Variants in PCLAF observed in about 807,000 individuals in gnomAD.
PCLAF encodes the protein PCNA-associated factor.
PCLAF carries 12 observed loss-of-function variants against 15.1 expected under a neutral mutation model. That is an observed-to-expected ratio of 0.79 (90% CI 0.51 to 1.29). The LOEUF (loss-of-function observed/expected upper bound fraction) is 1.29. Among genes scored for constraint, PCLAF ranks in the 50% most tolerant of loss-of-function variants. The pLI, the probability that PCLAF is intolerant of heterozygous loss-of-function variation, is 0.00. For missense variants in PCLAF, 116 were observed against 130.9 expected (o/e 0.89, Z 0.56); for synonymous variants, 33 against 47.1 (o/e 0.70, Z 1.22).
chr15:64,381,813 C>A (rs1248441305), upstream of PCLAF, among the ~76,000 whole-genome samples: 2 of 152,144 alleles, frequency 1.3e-5, no homozygotes, highest in African/African-American at 2.4e-5. Context: ...GGAGGTGAAA[C>A]CTGAAATTAA....
Position 64,365,799 on chromosome 15 carries a change from G to A in PCLAF, c.*231C>T. On this transcript the variant is annotated 3_prime_UTR_variant, in exon 4 of 4. Coordinates refer to ENST00000300035, the MANE Select transcript of PCLAF (RefSeq NM_014736.6). ...TAGCAAGAACTAGACACTTAATTTG[G>A]TAAAAGAAACCAAACAATGCATTAT... 2.0e-6 allele frequency: 1 copy of A among 496,170 alleles called. No homozygotes were observed. The highest frequency in any genetic ancestry group is 2.5e-5 in the South Asian group (1 of 39,706). The allele number at this position is 496,170 out of a possible 1,614,324, so 30.7% of individuals were successfully genotyped here.
At chr15:64,370,761 G>A (rs1431399491) in intron 3 of PCLAF, among the ~76,000 whole-genome samples, 2 of 149,640 alleles carry the variant, frequency 1.3e-5, no homozygotes, top group African/African-American at 4.9e-5. Flanking sequence ...TTAGGCCCAG[G>A]CTCTATCTAA....
upstream of PCLAF, among the ~76,000 whole-genome samples, chr15:64,383,519 A>T (rs1183141174): frequency 3.9e-5 from 6 of 151,982 alleles, no homozygotes; most frequent in African/African-American, 1.4e-4. Flanking sequence ...GACACGTGCC[A>T]AAACACTCGG....
chr15:64,380,011 C>T (rs59668277), intron 2 of PCLAF, among the ~76,000 whole-genome samples: 1,859 of 152,206 alleles, frequency 0.012, 46 homozygotes, highest in African/African-American at 0.042. Flanking sequence ...GCACTGTTAA[C>T]GATTGTTCAA....
At chr15:64,381,467 T>C (rs1237891725), upstream of PCLAF, 2 of 1,609,914 alleles carry the variant, frequency 1.2e-6, no homozygotes, top group Non-Finnish European at 1.7e-6. Flanking sequence ...CGCCACAGTT[T>C]ATATTGGTCT....
At chr15:64,387,112 AAAAAT>A (rs1217895164) in intron 1 of PCLAF, among the ~76,000 whole-genome samples, 1 of 152,008 alleles carries the variant, frequency 6.6e-6, no homozygotes, top group Non-Finnish European at 1.5e-5. Context: ...ACATGGCTCA[AAAAAT>A]AAAATAGAAG....
intron 1 of PCLAF, chr15:64,387,443 T>C: frequency 2.4e-6 from 3 of 1,227,388 alleles, no homozygotes; most frequent in Non-Finnish European, 3.1e-6. Flanking sequence ...GAGCAAAAAC[T>C]TACAGCGCTT....
At chr15:64,373,775 G>A (rs1359331235) in intron 3 of PCLAF, 18 of 1,535,380 alleles carry the variant, frequency 1.2e-5, no homozygotes, top group Non-Finnish European at 1.3e-5. Flanking sequence ...CTGGTGCAGG[G>A]GAGATAGCAA....
At chr15:64,369,006 G>C (rs1445343654) in intron 3 of PCLAF, among the ~76,000 whole-genome samples, 2 of 152,172 alleles carry the variant, frequency 1.3e-5, no homozygotes, top group African/African-American at 4.8e-5. Flanking sequence ...GACAATGACA[G>C]AGAACTAAAA....
intron 2 of PCLAF, among the ~76,000 whole-genome samples, chr15:64,380,647 T>A (rs111976614): frequency 0.011 from 1,732 of 152,134 alleles, 41 homozygotes; most frequent in African/African-American, 0.039. Context: ...GAGGATGTAG[T>A]GACCAGTGAT....
chr15:64,374,018 A>T (rs1899475269), intron 3 of PCLAF, among the ~76,000 whole-genome samples: 1 of 151,256 alleles, frequency 6.6e-6, no homozygotes, highest in African/African-American at 2.4e-5. Context: ...ATTTTTCTTG[A>T]TTCTTAAAAG....
At chr15:64,377,506 T>A (rs866966232) in intron 2 of PCLAF, among the ~76,000 whole-genome samples, 1,435 of 50,370 alleles carry the variant, frequency 0.028, 208 homozygotes, top group African/African-American at 0.048. Flanking sequence ...TATATATATA[T>A]ATATATATAT....
chr15:64,385,771 G>C (rs1166652207), upstream of PCLAF, among the ~76,000 whole-genome samples: 1 of 152,182 alleles, frequency 6.6e-6, no homozygotes, highest in Non-Finnish European at 1.5e-5. Context: ...TGCTCTCAAT[G>C]TGAGCGGGCA....
chr15:64,369,452 T>C (rs1188865634), intron 3 of PCLAF, among the ~76,000 whole-genome samples: 3 of 151,252 alleles, frequency 2.0e-5, no homozygotes, highest in Non-Finnish European at 4.4e-5. Context: ...GAAATCATGA[T>C]AGTGATATAA....
upstream of PCLAF, chr15:64,381,453 A>G: frequency 6.2e-7 from 1 of 1,600,590 alleles, no homozygotes; most frequent in East Asian, 2.2e-5. Context: ...CCCGAAAACT[A>G]TCCCGCCACA....
chr15:64,374,590 A>C (rs1899519581), intron 3 of PCLAF, among the ~76,000 whole-genome samples: 1 of 152,042 alleles, frequency 6.6e-6, no homozygotes, highest in African/African-American at 2.4e-5. Context: ...TATGCCTGTA[A>C]TCCCAGCACA....
At chr15:64,370,779 G>A (rs1432719623) in intron 3 of PCLAF, among the ~76,000 whole-genome samples, 2 of 145,090 alleles carry the variant, frequency 1.4e-5, no homozygotes, top group African/African-American at 5.1e-5. Flanking sequence ...TAAAAATATT[G>A]ACTAATTATA....
At chr15:64,383,081 AAAC>A (rs1471822758), upstream of PCLAF, 2 of 154,264 alleles carry the variant, frequency 1.3e-5, no homozygotes, top group African/African-American at 4.8e-5. Flanking sequence ...CTAGAAGTGT[AAAC>A]ACAGCATTAA....
rs1353725763 is a variant in PCLAF at position 64,365,011 on chromosome 15, T to TC, written c.*1018_*1019insG. ...TTTTAAAATTTTTTTTTTTTTTTTT[T>TC]TTGAGACGGAGTCTCGCTCTGTCGC... On this transcript the variant is annotated 3_prime_UTR_variant, in exon 4 of 4. Coordinates refer to ENST00000300035, the MANE Select transcript of PCLAF (RefSeq NM_014736.6). 1 of 149,406 alleles carries TC rather than the reference T, an allele frequency of 6.7e-6. No homozygotes were observed. The highest frequency in any genetic ancestry group is 2.5e-5 in the African/African-American group (1 of 40,534). The allele number at this position is 149,406 out of a possible 1,614,324, so 9.3% of individuals were successfully genotyped here. A position where few individuals can be genotyped will look rare whatever the true frequency, so the allele number is the denominator to read the frequency against.
Sources: allele counts gnomAD v4.1 joint callset (sites outside exome capture counted in the v4.1 genomes callset), GRCh38; gene constraint gnomAD v4.1.1; transcripts MANE v1.5; gene names NCBI Gene and HGNC (gene_info 2026-07-23, HGNC 2026-07-21).